DLG2: variants seen among roughly 807,000 people sequenced by gnomAD.
DLG2 encodes discs large MAGUK scaffold protein 2, also known as disks large homolog 2.
Under a neutral mutation model 132.5 loss-of-function variants are expected in DLG2, and 45 were observed. That is an observed-to-expected ratio of 0.34 (90% CI 0.27 to 0.44). The LOEUF (loss-of-function observed/expected upper bound fraction) is 0.44, where lower values mean the gene tolerates loss of function less well. DLG2 is among the 20% of genes least tolerant of loss of function. The pLI is 1.00. For synonymous variants in DLG2, 424 were observed against 419.6 expected (o/e 1.01, Z -0.13); for missense variants, 1,045 against 1,196.9 (o/e 0.87, Z 1.87).
rs1045851166 is a variant in DLG2, at chr11:83,677,041, G to T, written c.1826-43716C>A. Among the ~76,000 whole-genome samples, 5 of 151,912 alleles carry T rather than the reference G, an allele frequency of 3.3e-5. 1 individual carries two copies. In the South Asian group the frequency reaches 8.3e-4, roughly 25 times the overall value. On this transcript the variant is annotated intron_variant, in intron 18 of 27. Coordinates refer to ENST00000376104, the MANE Select transcript of DLG2 (RefSeq NM_001142699.3). ...TTCCCAAGTATTTTGCATTTTTTTT[G>T]ATATTTGGCTTGACTCTTTCAGAGT...
intron 8 of DLG2, among the ~76,000 whole-genome samples, chr11:84,248,279 A>G (rs1286484341): frequency 6.6e-6 from 1 of 152,070 alleles, no homozygotes; most frequent in East Asian, 1.9e-4. Context: ...CATATTTACC[A>G]TTCTCCTAGA....
intron 6 of DLG2, among the ~76,000 whole-genome samples, chr11:84,584,041 T>G (rs2099522993): frequency 6.6e-6 from 1 of 152,188 alleles, no homozygotes; most frequent in Non-Finnish European, 1.5e-5. Context: ...ACATTTACAA[T>G]AATTTCTCTA....
intron 5 of DLG2, among the ~76,000 whole-genome samples, chr11:85,135,053 A>C (rs890310652): frequency 1.3e-5 from 2 of 152,168 alleles, no homozygotes; most frequent in African/African-American, 4.8e-5. Context: ...CATCACAATA[A>C]TTATTTTAAC....
intron 15 of DLG2, among the ~76,000 whole-genome samples, chr11:83,891,874 CTGTT>C (rs2069991020): frequency 6.6e-6 from 1 of 152,100 alleles, no homozygotes; most frequent in Non-Finnish European, 1.5e-5. Context: ...ATCTGTTAGT[CTGTT>C]TGTATTAGCC....
intron 19 of DLG2, among the ~76,000 whole-genome samples, chr11:83,613,654 T>C (rs1327739150): frequency 6.6e-6 from 1 of 152,192 alleles, no homozygotes; most frequent in African/African-American, 2.4e-5. Flanking sequence ...ACTGGCCTTC[T>C]CATTAGCTAG....
At position 84,333,673 on chromosome 11, in the gene DLG2, C is replaced by CA. The variant is rs1176149882; in HGVS notation, c.520-82383dup. On this transcript the variant is annotated intron_variant, in intron 7 of 27. Transcript: ENST00000376104. ...ACAATAAAACAGCTTTGTCTCTGGC[C>CA]AAAAAAAAGACAGCCATAGTGATGA... Among the ~76,000 whole-genome samples the CA allele has an allele frequency of 1.6e-4, 24 of 151,292 alleles. 1 individual carries two copies. Among genetic ancestry groups the CA allele is most frequent in the South Asian group, 1.0e-3 (5 of 4,798 alleles).
intron 17 of DLG2, chr11:83,790,707 C>T (rs1244389293): frequency 6.2e-6 from 5 of 800,792 alleles, no homozygotes; most frequent in African/African-American, 1.7e-5. Flanking sequence ...TCCCGTGGTG[C>T]CAGTCAACAA....
intron 3 of DLG2, among the ~76,000 whole-genome samples, chr11:85,398,345 A>C (rs2087631291): frequency 6.6e-6 from 1 of 152,194 alleles, no homozygotes; most frequent in Non-Finnish European, 1.5e-5. Context: ...TAAAATTGAC[A>C]CCTTAACATC....
chr11:85,533,948 A>T (rs1347446572), intron 3 of DLG2, among the ~76,000 whole-genome samples: 1 of 152,202 alleles, frequency 6.6e-6, no homozygotes, highest in Non-Finnish European at 1.5e-5. Flanking sequence ...TTAATAGAAC[A>T]ATATATGCCC....
intron 6 of DLG2, among the ~76,000 whole-genome samples, chr11:84,538,620 G>A (rs1374849470): frequency 6.0e-5 from 9 of 150,428 alleles, no homozygotes; most frequent in African/African-American, 2.2e-4. Flanking sequence ...TCTTGGAACT[G>A]CCCTCCATAA....
chr11:85,084,790 T>C (rs983371886), intron 6 of DLG2, among the ~76,000 whole-genome samples: 1 of 152,184 alleles, frequency 6.6e-6, no homozygotes, highest in Non-Finnish European at 1.5e-5. Context: ...CTGATTCACC[T>C]GGTGTTTCCG....
At chr11:85,331,850 C>T (rs2081775619) in intron 3 of DLG2, among the ~76,000 whole-genome samples, 1 of 152,194 alleles carries the variant, frequency 6.6e-6, no homozygotes, top group Non-Finnish European at 1.5e-5. Context: ...ACCACATTTG[C>T]TTTATCCATC....
At chr11:84,200,695 T>C (rs1211973723) in intron 8 of DLG2, among the ~76,000 whole-genome samples, 2 of 152,166 alleles carry the variant, frequency 1.3e-5, no homozygotes, top group African/African-American at 2.4e-5. Flanking sequence ...AGGTATTTTA[T>C]TCTTTTTGTA....
At chr11:83,922,058 GT>G (rs1190536117) in intron 15 of DLG2, among the ~76,000 whole-genome samples, 1 of 152,094 alleles carries the variant, frequency 6.6e-6, no homozygotes, top group Admixed American at 6.6e-5. Context: ...AACAGGGTGA[GT>G]TCCTTGTTTT....
chr11:84,219,757 G>A (rs2096888779), intron 8 of DLG2, among the ~76,000 whole-genome samples: 1 of 152,122 alleles, frequency 6.6e-6, no homozygotes, highest in South Asian at 2.1e-4. Context: ...CAGACTTATG[G>A]CCATCTTCTT....
intron 3 of DLG2, among the ~76,000 whole-genome samples, chr11:85,509,003 T>A (rs921156856): frequency 6.6e-6 from 1 of 152,088 alleles, no homozygotes; most frequent in Admixed American, 6.6e-5. Flanking sequence ...TGCTGCAACT[T>A]TCATTGTTTC....
intron 8 of DLG2, among the ~76,000 whole-genome samples, chr11:84,172,245 T>C (rs1244633478): frequency 6.6e-6 from 1 of 152,210 alleles, no homozygotes; most frequent in Non-Finnish European, 1.5e-5. Flanking sequence ...GTTTAAAATA[T>C]GCAGTTTTAT....
intron 6 of DLG2, among the ~76,000 whole-genome samples, chr11:84,635,941 C>T (rs568094027): frequency 6.6e-6 from 1 of 152,206 alleles, no homozygotes; most frequent in Non-Finnish European, 1.5e-5. Flanking sequence ...ACAGTTTAAT[C>T]GTTAATTAAA....
chr11:85,353,530 C>T (rs368802939), intron 3 of DLG2, among the ~76,000 whole-genome samples: 29 of 152,144 alleles, frequency 1.9e-4, no homozygotes, highest in Non-Finnish European at 7.3e-5. Context: ...TATAAAGACA[C>T]GTGCACACAT....
Sources: gnomAD v4.1 joint callset for allele counts (sites outside exome capture counted in the v4.1 genomes callset) on GRCh38, gnomAD v4.1.1 for gene constraint, MANE v1.5 for transcripts, NCBI Gene and HGNC (gene_info 2026-07-23, HGNC 2026-07-21) for gene names.